SPIB: variants seen among roughly 807,000 people sequenced by gnomAD.
SPIB encodes Spi-B transcription factor.
SPIB carries 7 observed loss-of-function variants against 31.9 expected under a neutral mutation model. That is an observed-to-expected ratio of 0.22 (90% CI 0.12 to 0.41). The LOEUF (loss-of-function observed/expected upper bound fraction) is 0.41, where lower values mean the gene tolerates loss of function less well. SPIB is among the 10% of genes least tolerant of loss of function. The pLI is 1.00. For synonymous variants in SPIB, 176 were observed against 158.9 expected, an observed-to-expected ratio of 1.11 and a Z score of -0.81; for missense variants, 327 against 360.2, an observed-to-expected ratio of 0.91 and a Z score of 0.75.
chr19:50,419,048 T>C (rs2039447712), intron 1 of SPIB, 63 bp downstream of exon 1: 2 of 1,527,832 alleles, frequency 1.3e-6, no homozygotes, highest in Non-Finnish European at 1.8e-6. Flanking sequence ...CTGTGGGGCC[T>C]CACCCATGGG....
intron 5 of SPIB, among the ~76,000 whole-genome samples, 174 bp from the exon 6 acceptor site, chr19:50,427,864 C>A (rs1396692208): frequency 9.6e-6 from 1 of 104,308 alleles, no homozygotes; most frequent in African/African-American, 3.0e-5. Flanking sequence ...GCTTGCCCCC[C>A]CCCCCCCCCG....
intron 5 of SPIB, among the ~76,000 whole-genome samples, 195 bp downstream of exon 5, chr19:50,423,950 G>C (rs1013824135): frequency 6.6e-6 from 1 of 152,142 alleles, no homozygotes; most frequent in African/African-American, 2.4e-5. Context: ...TGTGCGATGG[G>C]GATGGAGGTG....
intron 1 of SPIB, among the ~76,000 whole-genome samples, chr19:50,419,463 C>G (rs1036556150): frequency 6.6e-6 from 1 of 152,174 alleles, no homozygotes; most frequent in African/African-American, 2.4e-5. Flanking sequence ...CTCCAGGAAT[C>G]CTCCCCGCCT....
At chr19:50,423,828 C>T in intron 5 of SPIB, 73 bp downstream of exon 5, 1 of 1,516,632 alleles carries the variant, frequency 6.6e-7, no homozygotes, top group Non-Finnish European at 8.9e-7. Context: ...CCATGGCTTC[C>T]TGGGCCTCTA....
chr19:50,429,585 TGGTCCCAGCTGC>T lies in SPIB; in HGVS notation c.*1250_*1261del. 6.6e-6 allele frequency: 1 copy of T among 152,480 alleles called. No individual in the cohort carries two copies. The highest frequency in any genetic ancestry group is 2.1e-4 in the South Asian group (1 of 4,828). The allele number at this position is 152,480 out of a possible 1,614,324, so 9.4% of individuals were successfully genotyped here. On this transcript the variant is annotated 3_prime_UTR_variant, in exon 6 of 6. Transcript: ENST00000595883. Reference sequence around the variant, plus strand: ...AGCCGAGCGTGGGGGTGAACACCTGTGGTCCCAGCTGCTCAGGAGGCTGAGGTGGGAGGATCT... The same window carrying T: ...AGCCGAGCGTGGGGGTGAACACCTGTTCAGGAGGCTGAGGTGGGAGGATCT...
Position 50,428,786 on chromosome 19 carries a change from C to T in SPIB, c.*450C>T, listed in dbSNP as rs45464394. On this transcript the variant is annotated 3_prime_UTR_variant, in exon 6 of 6. Transcript: ENST00000595883. The surrounding 1 kb of genome is among the most constrained non-coding windows in gnomAD (Gnocchi z 6.5). ...CCTGCTGGCAACCCTGAGCCCTGTCCAAGGTTCCCTCTTGTCAGATCTGAG... is the reference window on the plus strand; with the variant it reads ...CCTGCTGGCAACCCTGAGCCCTGTCTAAGGTTCCCTCTTGTCAGATCTGAG... 1.8e-4 allele frequency: 31 copies of T among 169,302 alleles called. No individual in the cohort carries two copies. Among genetic ancestry groups the T allele is most frequent in the Middle Eastern group, 2.7e-3 (1 of 376 alleles). 10.5% of individuals were successfully genotyped at this position (169,302 alleles called of 1,614,324 possible). A position where few individuals can be genotyped will look rare whatever the true frequency, so the allele number is the denominator to read the frequency against.
chr19:50,420,183 A>T (rs1415393763), intron 2 of SPIB, among the ~76,000 whole-genome samples: 1 of 151,792 alleles, frequency 6.6e-6, no homozygotes, highest in Non-Finnish European at 1.5e-5. Flanking sequence ...GTGGCTTTGT[A>T]TCTCTCTCTG....
At position 50,423,662 on chromosome 19, in the gene SPIB, G is replaced by T; in HGVS notation, c.397G>T (p.Asp133Tyr). The change falls in exon 5 of 6, where the codon GAC becomes TAC. Residue 133 changes from aspartate (D) to tyrosine (Y), a missense_variant. Coordinates refer to ENST00000595883, the MANE Select transcript of SPIB (RefSeq NM_003121.5). ...YPSPVLSEEE[D>Y]LPLDSPALEV... ...CAGCCCTGTGCTATCAGAGGAGGAA[G>T]ACTTACCGTTGGACAGCCCTGCCCT... The T allele has an allele frequency of 2.5e-6, 4 of 1,614,094 alleles. No homozygotes were observed. The highest frequency in any genetic ancestry group is 3.4e-6 in the Non-Finnish European group (4 of 1,179,996).
chr19:50,423,335 C>T lies in SPIB; in HGVS notation c.340-270C>T, dbSNP rs542415523. 257 of 518,812 alleles carry T rather than the reference C, an allele frequency of 5.0e-4. 1 individual carries two copies. The highest frequency in any genetic ancestry group is 4.4e-3 in the African/African-American group (228 of 52,352). The allele number at this position is 518,812 out of a possible 1,614,324, so 32.1% of individuals were successfully genotyped here. ...TGCAGCGGCCTCCCAGGTTACGTTC[C>T]GTTGTTGCCCCTCTGAACAAGTGAG... is the stretch of plus-strand genomic sequence containing the variant. On this transcript the variant is annotated intron_variant, in intron 4 of 5. Transcript: ENST00000595883.
At chr19:50,420,714 A>G (rs1336864419) in intron 2 of SPIB, among the ~76,000 whole-genome samples, 3 of 151,854 alleles carry the variant, frequency 2.0e-5, no homozygotes, top group African/African-American at 7.3e-5. Flanking sequence ...TGCAAGCTCC[A>G]CCTCCCGGGT....
chr19:50,423,749 G>A lies in SPIB; in HGVS notation c.484G>A (p.Glu162Lys), dbSNP rs764244637. Residue 162 changes from glutamate to lysine, a missense_variant, in exon 5 of 6, where the codon GAG becomes AAG. By Grantham distance (56) the Glu-to-Lys change is moderately conservative (BLOSUM62 1). This residue lies in a region of SPIB where 238 missense variants were observed against 228.8 expected (regional missense o/e 1.04). Coordinates refer to ENST00000595883, the MANE Select transcript of SPIB (RefSeq NM_003121.5). ...LVAGPEGKGSEAGTRKKLRLY... is the reference protein window; with the variant it reads ...LVAGPEGKGSKAGTRKKLRLY... ...GGCTGGCCCCGAGGGGAAGGGATCC[G>A]AGGCAGGTATGCGGGAGTGGCTGGG... 8.7e-6 allele frequency: 14 copies of A among 1,607,008 alleles called. No individual in the cohort carries two copies. Among genetic ancestry groups the A allele is most frequent in the African/African-American group, 2.7e-5 (2 of 74,836 alleles).
In SPIB at chr19:50,423,656, G is replaced by A; in HGVS notation, c.391G>A (p.Glu131Lys). 1 of 1,614,084 alleles carries A rather than the reference G, an allele frequency of 6.2e-7. No individual in the cohort carries two copies. The highest frequency in any genetic ancestry group is 8.5e-7 in the Non-Finnish European group (1 of 1,180,008). Residue 131 changes from glutamate to lysine, a missense_variant, in exon 5 of 6, where the codon GAG (glutamate) becomes AAG (lysine). By Grantham distance (56) the Glu-to-Lys change is moderately conservative. Transcript: ENST00000595883. ...APYPSPVLSE[E>K]EDLPLDSPAL... ...GTACCCCAGCCCTGTGCTATCAGAG[G>A]AGGAAGACTTACCGTTGGACAGCCC...
At chr19:50,427,466 A>G (rs1025068427) in intron 5 of SPIB, among the ~76,000 whole-genome samples, 8 of 152,246 alleles carry the variant, frequency 5.3e-5, no homozygotes, top group Non-Finnish European at 2.9e-5. Flanking sequence ...CAGAGGCTGC[A>G]GTAAGCCGAG....
intron 2 of SPIB, among the ~76,000 whole-genome samples, chr19:50,421,938 C>T (rs555445624): frequency 2.6e-5 from 4 of 152,044 alleles, no homozygotes; most frequent in Admixed American, 6.6e-5. Flanking sequence ...TTAGTAGAGA[C>T]GGGATTTCAC....
intron 1 of SPIB, 23 bp from the exon 2 acceptor site, chr19:50,419,923 C>T: frequency 2.6e-6 from 4 of 1,539,234 alleles, no homozygotes; most frequent in Non-Finnish European, 3.5e-6. Context: ...CCTCAGCATG[C>T]CCCTGTGTCT....
intron 5 of SPIB, among the ~76,000 whole-genome samples, chr19:50,425,055 G>A (rs148471892): frequency 0.11 from 16,659 of 151,984 alleles, 933 homozygotes; most frequent in Middle Eastern, 0.15. Context: ...TACCCAGGCT[G>A]GAGTGCAGTG....
chr19:50,419,386 G>A (rs1314516102), intron 1 of SPIB, among the ~76,000 whole-genome samples: 3 of 152,016 alleles, frequency 2.0e-5, no homozygotes, highest in African/African-American at 7.2e-5. Flanking sequence ...TCTGTCTCCA[G>A]TTCTCGCTCT....
At chr19:50,427,367 A>G (rs1217544764) in intron 5 of SPIB, among the ~76,000 whole-genome samples, 1 of 152,210 alleles carries the variant, frequency 6.6e-6, no homozygotes, top group Non-Finnish European at 1.5e-5. Context: ...TCTACTAAAA[A>G]TATAAAAATA....
rs548116608 is a variant in SPIB at position 50,430,305 on chromosome 19, C to T, written c.*1969C>T. On this transcript the variant is annotated 3_prime_UTR_variant, in exon 6 of 6. Transcript: ENST00000595883. ...GGACTATGGAGCCCTGGTTGGGACC[C>T]CCAGGGAGTCAAAGGCTGCGGGCCA... is the stretch of plus-strand genomic sequence containing the variant. 6.6e-6 allele frequency: 1 copy of T among 152,342 alleles called. No individual in the cohort carries two copies. Among genetic ancestry groups the T allele is most frequent in the East Asian group, 1.9e-4 (1 of 5,178 alleles). 9.4% of individuals were successfully genotyped at this position (152,342 alleles called of 1,614,324 possible). A position where few individuals can be genotyped will look rare whatever the true frequency, so the allele number is the denominator to read the frequency against.
Sources: allele counts gnomAD v4.1 joint callset (sites outside exome capture counted in the v4.1 genomes callset), GRCh38; gene constraint gnomAD v4.1.1; regional missense constraint gnomAD v4.1.1; non-coding constraint Gnocchi (gnomAD v3.1); transcripts MANE v1.5; gene names NCBI Gene and HGNC (gene_info 2026-07-23, HGNC 2026-07-21).